Variants in TNFAIP3 observed in about 807,000 individuals in gnomAD.
TNFAIP3 encodes the protein tumor necrosis factor alpha-induced protein 3.
In TNFAIP3, 9 loss-of-function variants were observed where a neutral mutation model predicts 72.4. The ratio of observed to expected loss-of-function variants is 0.12; its 90% CI spans 0.07 to 0.22. The LOEUF is 0.22. Ranked by LOEUF, TNFAIP3 falls within the 10% of genes least tolerant of loss-of-function variation. The pLI, the probability that TNFAIP3 is intolerant of heterozygous loss-of-function variation, is 1.00. For synonymous variants in TNFAIP3, 339 were observed against 372.6 expected, an observed-to-expected ratio of 0.91 and a Z score of 1.04; for missense variants, 833 against 1,018.7, an observed-to-expected ratio of 0.82 and a Z score of 2.48.
At chr6:137,868,155 G>C (rs1227571934) in intron 1 of TNFAIP3, 1 of 152,558 alleles carries the variant, frequency 6.6e-6, no homozygotes, top group Non-Finnish European at 1.5e-5. Context: ...CCCTGCTCCA[G>C]CCCCTACCCC....
Position 137,875,525 on chromosome 6 carries a change from G to A in TNFAIP3, c.487-163G>A, listed in dbSNP as rs5029946. 2.5e-3 allele frequency among the ~76,000 whole-genome samples: 380 copies of A among 151,942 alleles called. 3 individuals carry two copies. The highest frequency in any genetic ancestry group is 8.8e-3 in the African/African-American group (365 of 41,458). On this transcript the variant is annotated intron_variant, in intron 3 of 8. Transcript: ENST00000612899. ...TGGAAAAAAGTAAAGGAAGAAAACC[G>A]AAATGGGGAAAAAAGGGTGATCATT...
rs1195435394 is a variant in TNFAIP3, at chr6:137,878,736, C to T, written c.1291C>T (p.Pro431Ser). ...LNSKPGPEGL[P>S]GMALGASRGE... ...CTCCAAGCCGGGCCCTGAGGGGCTC[C>T]CTGGCATGGCGCTCGGGGCCTCTCG... is the stretch of plus-strand genomic sequence containing the variant. The change falls in exon 7 of 9, where the codon CCT (proline) becomes TCT (serine). Residue 431 changes from proline (P) to serine (S), a missense_variant. Physicochemically the swap from Pro to Ser is moderately conservative, Grantham distance 74. This residue lies in a region of TNFAIP3 where 587 missense variants were observed against 657.8 expected (regional missense o/e 0.89). Coordinates refer to ENST00000612899, the MANE Select transcript of TNFAIP3 (RefSeq NM_001270508.2). The T allele has an allele frequency of 2.5e-6, 4 of 1,614,112 alleles. No homozygotes were observed. The highest frequency in any genetic ancestry group is 2.5e-6 in the Non-Finnish European group (3 of 1,180,024).
At chr6:137,880,949 C>G (rs376840544) in intron 8 of TNFAIP3, 86 bp from the exon 9 acceptor site, 2 of 1,423,690 alleles carry the variant, frequency 1.4e-6, no homozygotes, top group African/African-American at 2.9e-5. Context: ...TCCACACTCT[C>G]CAATGAGATT....
chr6:137,881,399 C>T lies in TNFAIP3; in HGVS notation c.*80C>T, dbSNP rs146085256. The T allele has an allele frequency of 8.5e-6, 11 of 1,293,526 alleles. No individual in the cohort carries two copies. The African/African-American group carries it at 1.6e-4, about 19-fold the overall frequency. The allele number at this position is 1,293,526 out of a possible 1,614,324, so 80.1% of individuals were successfully genotyped here. A position where few individuals can be genotyped will look rare whatever the true frequency, so the allele number is the denominator to read the frequency against. Reference sequence around the variant, plus strand: ...TCATGGTGCTATCCTCTGAACCCCTCAGCTGCCACTGCAACAGTGGGCTTA... The same window carrying T: ...TCATGGTGCTATCCTCTGAACCCCTTAGCTGCCACTGCAACAGTGGGCTTA... On this transcript the variant is annotated 3_prime_UTR_variant, in exon 9 of 9. Transcript: ENST00000612899. This position sits in a 1 kb window ranked among gnomAD's most constrained non-coding sequence, Gnocchi z 5.0.
Position 137,881,022 on chromosome 6 carries a change from T to TC in TNFAIP3, c.2089-12dup, listed in dbSNP as rs1313837893. ...CCTGACTTTTTAATGATCTGCCTGT[T>TC]CTTTCCACTCAGAGATCGAGCCAGC... is the stretch of plus-strand genomic sequence containing the variant. On this transcript the variant is annotated splice_polypyrimidine_tract_variant and intron_variant, in intron 8 of 8. Transcript: ENST00000612899. This position sits in a 1 kb window ranked among gnomAD's most constrained non-coding sequence, Gnocchi z 5.0. 1 of 1,580,286 alleles carries TC rather than the reference T, an allele frequency of 6.3e-7. No homozygotes were observed. Among genetic ancestry groups the TC allele is most frequent in the Non-Finnish European group, 8.6e-7 (1 of 1,161,172 alleles).
rs775280214 is a variant in TNFAIP3 at position 137,881,213 on chromosome 6, A to AC, written c.2274dup (p.Lys759GlnfsTer10). 1.3e-6 allele frequency: 2 copies of AC among 1,598,178 alleles called. No homozygotes were observed. Among genetic ancestry groups the AC allele is most frequent in the Non-Finnish European group, 8.6e-7 (1 of 1,168,292 alleles). ...CACCGGGGTGAGCCTGCCCCCGAAGACCCCCCCAAGCAGCGTTGCCGGGCC... is the reference window on the plus strand; with the variant it reads ...CACCGGGGTGAGCCTGCCCCCGAAGACCCCCCCCAAGCAGCGTTGCCGGGCC... On this transcript the variant is annotated frameshift_variant, in exon 9 of 9. Transcript: ENST00000612899. LOFTEE classifies it high-confidence loss of function. This position sits in a 1 kb window ranked among gnomAD's most constrained non-coding sequence, Gnocchi z 5.0.
intron 3 of TNFAIP3, 46 bp from the exon 4 acceptor site, chr6:137,875,642 G>A: frequency 6.2e-7 from 1 of 1,605,580 alleles, no homozygotes; most frequent in South Asian, 1.1e-5. Flanking sequence ...TTAGTACAGG[G>A]AGTACAGGAT....
chr6:137,876,325 T>A, intron 5 of TNFAIP3, 159 bp downstream of exon 5: 1 of 642,502 alleles, frequency 1.6e-6, no homozygotes, highest in Non-Finnish European at 2.7e-6. Flanking sequence ...GCAGTAGCAG[T>A]AATCATAATA....
In TNFAIP3 at chr6:137,882,152, A is replaced by T. The variant is rs5029966; in HGVS notation, c.*833A>T. ...TGTATGAGGGATTTTTTTAAATTATATTGAAATGCTGCCCTAGAAGTACAA... is the reference window on the plus strand; with the variant it reads ...TGTATGAGGGATTTTTTTAAATTATTTTGAAATGCTGCCCTAGAAGTACAA... On this transcript the variant is annotated 3_prime_UTR_variant, in exon 9 of 9. Transcript: ENST00000612899. 1.7e-3 allele frequency: 394 copies of T among 231,546 alleles called. 1 individual carries two copies. Among genetic ancestry groups the T allele is most frequent in the Non-Finnish European group, 2.6e-3 (306 of 116,956 alleles). 14.3% of individuals were successfully genotyped at this position (231,546 alleles called of 1,614,324 possible). A position where few individuals can be genotyped will look rare whatever the true frequency, so the allele number is the denominator to read the frequency against.
rs1279013342 is a variant in TNFAIP3, at chr6:137,877,332, C to T, written c.986+76C>T. 17 of 1,349,494 alleles carry T rather than the reference C, an allele frequency of 1.3e-5. No individual in the cohort carries two copies. The South Asian group carries it at 2.2e-4, about 17-fold the overall frequency. 83.6% of individuals were successfully genotyped at this position (1,349,494 alleles called of 1,614,324 possible). ...ACCTCAGCCACCTGAGTTGCTGCCA[C>T]CCTGAAGCTCAACAGTAGAGTGATT... On this transcript the variant is annotated intron_variant, in intron 6 of 8. Coordinates refer to ENST00000612899, the MANE Select transcript of TNFAIP3 (RefSeq NM_001270508.2).
rs1384904933 is a variant in TNFAIP3 at position 137,881,194 on chromosome 6, G to C, written c.2248G>C (p.Gly750Arg). The change falls in exon 9 of 9, where the codon GGT becomes CGT. Residue 750 changes from glycine to arginine, a missense_variant. Physicochemically the swap from Gly to Arg is moderately radical, Grantham distance 125. Around this residue, in one of 2 missense-constraint regions of TNFAIP3, gnomAD observed 587 missense variants for 657.8 expected, o/e 0.89. Transcript: ENST00000612899. This position sits in a 1 kb window ranked among gnomAD's most constrained non-coding sequence, Gnocchi z 5.0. The part of the protein sequence containing the change: ...NQRMGPGAHR[G>R]EPAPEDPPKQ... ...GAGGATGGGCCCTGGGGCCCACCGG[G>C]GTGAGCCTGCCCCCGAAGACCCCCC... The C allele has an allele frequency of 6.2e-7, 1 of 1,613,590 alleles. No individual in the cohort carries two copies. Among genetic ancestry groups the C allele is most frequent in the Non-Finnish European group, 8.5e-7 (1 of 1,179,854 alleles).
chr6:137,871,160 C>T lies in TNFAIP3; in HGVS notation c.-15-53C>T, dbSNP rs886815487. On this transcript the variant is annotated intron_variant, in intron 1 of 8. Coordinates refer to ENST00000612899, the MANE Select transcript of TNFAIP3 (RefSeq NM_001270508.2). This position sits in a 1 kb window ranked among gnomAD's most constrained non-coding sequence, Gnocchi z 4.2. ...TTCCTGCAGGCAGCTATAGAGGAGT[C>T]GTATTAAAGTCAGGCTAATAGAATG... is the stretch of plus-strand genomic sequence containing the variant. 5.9e-5 allele frequency: 88 copies of T among 1,504,254 alleles called. No individual in the cohort carries two copies. The highest frequency in any genetic ancestry group is 1.8e-4 in the East Asian group (8 of 44,286). The allele number at this position is 1,504,254 out of a possible 1,614,324, so 93.2% of individuals were successfully genotyped here. A position where few individuals can be genotyped will look rare whatever the true frequency, so the allele number is the denominator to read the frequency against.
At chr6:137,873,647 T>C (rs1024245990) in intron 2 of TNFAIP3, among the ~76,000 whole-genome samples, 2 of 152,224 alleles carry the variant, frequency 1.3e-5, no homozygotes, top group Non-Finnish European at 2.9e-5. Flanking sequence ...AAAAGCCTTA[T>C]CTTTGCTCTA....
At chr6:137,875,606 T>G in intron 3 of TNFAIP3, 82 bp from the exon 4 acceptor site, 8 of 1,480,614 alleles carry the variant, frequency 5.4e-6, no homozygotes, top group Non-Finnish European at 6.5e-6. Flanking sequence ...AAATGAATAA[T>G]TGTAGAGTGA....
rs760438993 is a variant in TNFAIP3 at position 137,877,080 on chromosome 6, C to A, written c.810C>A (p.Ile270=). ...LVTLKDSGPE[I]RAVPLVNRDR... ...ATGTATTATTTTTTTCCTTAGAAAT[C>A]CGAGCTGTTCCACTTGTTAACAGAG... The change falls in exon 6 of 9, where the codon ATC becomes ATA. Residue 270 remains isoleucine, a synonymous_variant. Coordinates refer to ENST00000612899, the MANE Select transcript of TNFAIP3 (RefSeq NM_001270508.2). 1 of 1,586,872 alleles carries A rather than the reference C, an allele frequency of 6.3e-7. No homozygotes were observed. Among genetic ancestry groups the A allele is most frequent in the Non-Finnish European group, 8.6e-7 (1 of 1,165,756 alleles).
chr6:137,880,906 C>G (rs1393332760), intron 8 of TNFAIP3, 129 bp from the exon 9 acceptor site: 6 of 970,168 alleles, frequency 6.2e-6, no homozygotes. Context: ...CTCTCCTGTT[C>G]CCTTGCTCAG....
In TNFAIP3 at chr6:137,871,219, GA is replaced by G. The variant is rs1776047816; in HGVS notation, c.-8del. 6.2e-7 allele frequency: 1 copy of G among 1,602,568 alleles called. No individual in the cohort carries two copies. The highest frequency in any genetic ancestry group is 1.4e-5 in the African/African-American group (1 of 74,040). ...TTTTTCCTTTCCTTTTCAGGTGTTG[GA>G]GAGCACAATGGCTGAACAAGTCCTT... is the stretch of plus-strand genomic sequence containing the variant. On this transcript the variant is annotated 5_prime_UTR_variant, in exon 2 of 9. Transcript: ENST00000612899. The surrounding 1 kb of genome is among the most constrained non-coding windows in gnomAD (Gnocchi z 4.2).
chr6:137,874,153 A>G (rs1156713854), intron 2 of TNFAIP3, among the ~76,000 whole-genome samples: 1 of 152,206 alleles, frequency 6.6e-6, no homozygotes, highest in East Asian at 1.9e-4. Flanking sequence ...TTTCAAATTT[A>G]GACACCCAGG....
At chr6:137,880,974 C>G (rs1776431097) in intron 8 of TNFAIP3, 61 bp from the exon 9 acceptor site, 1 of 1,520,066 alleles carries the variant, frequency 6.6e-7, no homozygotes, top group Non-Finnish European at 8.9e-7. Flanking sequence ...TGTGCTCTCC[C>G]TAAGAAATGT....
Sources: allele counts gnomAD v4.1 joint callset (sites outside exome capture counted in the v4.1 genomes callset), GRCh38; gene constraint gnomAD v4.1.1; regional missense constraint gnomAD v4.1.1; non-coding constraint Gnocchi (gnomAD v3.1); transcripts MANE v1.5; gene names NCBI Gene and HGNC (gene_info 2026-07-23, HGNC 2026-07-21).